MYO16: variants seen among roughly 807,000 people sequenced by gnomAD.
The protein encoded by MYO16 is unconventional myosin-XVI.
In MYO16, 94 loss-of-function variants were observed where a neutral mutation model predicts 205.3. That is an observed-to-expected ratio of 0.46 (90% CI 0.39 to 0.54). The LOEUF is 0.54. Among genes scored for constraint, MYO16 ranks in the 20% least tolerant of loss-of-function variants. The probability of loss-of-function intolerance (pLI) is 0.00; values close to 1 mark genes in which losing one functional copy is unlikely to be tolerated. For missense variants in MYO16, 2,315 were observed against 2,387.5 expected (o/e 0.97, Z 0.63); for synonymous variants, 988 against 954.0 (o/e 1.04, Z -0.66).
chr13:108,582,753 C>A, the MYO16 span, among the ~76,000 whole-genome samples: 1 of 152,024 alleles, frequency 6.6e-6, no homozygotes. Flanking sequence ...AAGATGAAGA[C>A]CCTCTCTCAC....
At chr13:108,517,975 C>A in the MYO16 span, among the ~76,000 whole-genome samples, 5 of 152,228 alleles carry the variant, frequency 3.3e-5, no homozygotes, top group Non-Finnish European at 4.4e-5. Context: ...GAGGGTGGAA[C>A]CCTCATGACT....
chr13:109,012,797 A>ATATG (rs1315420710), intron 22 of MYO16, among the ~76,000 whole-genome samples: 2 of 148,884 alleles, frequency 1.3e-5, no homozygotes, highest in South Asian at 2.1e-4. Flanking sequence ...ATATATATAT[A>ATATG]TGTATATGAT....
intron 27 of MYO16, among the ~76,000 whole-genome samples, chr13:109,080,060 G>C (rs562911653): frequency 4.1e-4 from 59 of 145,286 alleles, no homozygotes; most frequent in Non-Finnish European, 3.8e-4. Flanking sequence ...GTTTTTAGTA[G>C]AGATGGGGTT....
intron 21 of MYO16, among the ~76,000 whole-genome samples, chr13:109,000,297 A>G: frequency 6.6e-6 from 1 of 152,176 alleles, no homozygotes; most frequent in East Asian, 1.9e-4. Context: ...TATTAGTCAG[A>G]TTATTTTTCT....
At chr13:108,955,989 A>C (rs1282026378) in intron 16 of MYO16, among the ~76,000 whole-genome samples, 1 of 152,130 alleles carries the variant, frequency 6.6e-6, no homozygotes, top group African/African-American at 2.4e-5. Flanking sequence ...GAGTGAGCTC[A>C]CCCACTCCCA....
At chr13:109,038,396 T>A (rs570093369) in intron 23 of MYO16, among the ~76,000 whole-genome samples, 1 of 152,260 alleles carries the variant, frequency 6.6e-6, no homozygotes, top group South Asian at 2.1e-4. Flanking sequence ...GGTTGAAATC[T>A]CTCTGCTTGA....
At chr13:108,593,075 G>A (rs1221507282), upstream of MYO16, among the ~76,000 whole-genome samples, 1 of 152,082 alleles carries the variant, frequency 6.6e-6, no homozygotes, top group African/African-American at 2.4e-5. Flanking sequence ...GGAAATGAAC[G>A]CTTGCACTGT....
chr13:108,743,137 A>G (rs889697266), intron 4 of MYO16, among the ~76,000 whole-genome samples: 14 of 152,168 alleles, frequency 9.2e-5, no homozygotes, highest in African/African-American at 3.4e-4. Flanking sequence ...GGTATTAATT[A>G]CTTTAAAGGG....
intron 9 of MYO16, among the ~76,000 whole-genome samples, chr13:108,826,970 T>A (rs962689769): frequency 6.6e-6 from 1 of 152,260 alleles, no homozygotes; most frequent in Middle Eastern, 3.4e-3. Flanking sequence ...TGAAAAACAA[T>A]CTGGCAGTTC....
rs570523140 is a variant in MYO16 at position 108,888,532 on chromosome 13, T to A, written c.1659+55T>A. On this transcript the variant is annotated intron_variant, in intron 14 of 34. Coordinates refer to ENST00000457511, the MANE Select transcript of MYO16 (RefSeq NM_001198950.3). ...GTGAATGAAGATGTTCAGCCAGTTG[T>A]CATTTACAAATAGGGGAGGGGACAT... The A allele has an allele frequency of 1.4e-4, 178 of 1,311,986 alleles. No individual in the cohort carries two copies. The African/African-American group carries it at 2.3e-3, about 17-fold the overall frequency. The allele number at this position is 1,311,986 out of a possible 1,614,324, so 81.3% of individuals were successfully genotyped here. A position where few individuals can be genotyped will look rare whatever the true frequency, so the allele number is the denominator to read the frequency against.
intron 32 of MYO16, among the ~76,000 whole-genome samples, chr13:109,148,696 C>G (rs1019025150): frequency 1.3e-5 from 2 of 152,166 alleles, no homozygotes; most frequent in Non-Finnish European, 2.9e-5. Context: ...ATCGGATCCT[C>G]CCAAAATGTC....
chr13:109,123,444 CT>C (rs201583322), intron 29 of MYO16, among the ~76,000 whole-genome samples: 1 of 150,664 alleles, frequency 6.6e-6, no homozygotes, highest in Non-Finnish European at 1.5e-5. Flanking sequence ...CAATGTCTCC[CT>C]TTTTTTTTAG....
At chr13:108,503,224 T>C in the MYO16 span, among the ~76,000 whole-genome samples, 1 of 152,160 alleles carries the variant, frequency 6.6e-6, no homozygotes, top group South Asian at 2.1e-4. Context: ...AGATTCCTGT[T>C]CTGCATGTCA....
intron 22 of MYO16, among the ~76,000 whole-genome samples, chr13:109,013,786 A>G (rs980199412): frequency 1.3e-4 from 20 of 152,252 alleles, no homozygotes; most frequent in Admixed American, 1.2e-3. Context: ...GTCTGTTCAT[A>G]TCCTTTGTCC....
At chr13:109,096,753 G>C (rs1888790170) in intron 27 of MYO16, among the ~76,000 whole-genome samples, 1 of 151,764 alleles carries the variant, frequency 6.6e-6, no homozygotes, top group African/African-American at 2.4e-5. Flanking sequence ...CTCTGGGCGA[G>C]CTCACACACT....
At chr13:108,702,222 A>T (rs1416854923) in intron 2 of MYO16, among the ~76,000 whole-genome samples, 1 of 152,182 alleles carries the variant, frequency 6.6e-6, no homozygotes, top group East Asian at 1.9e-4. Flanking sequence ...TCCAGGTCAG[A>T]TAAACTGAAA....
chr13:108,579,833 G>T, the MYO16 span, among the ~76,000 whole-genome samples: 3 of 152,104 alleles, frequency 2.0e-5, no homozygotes, highest in Admixed American at 2.0e-4. Context: ...CATGCCTATT[G>T]TTTGGGCATT....
intron 9 of MYO16, 67 bp downstream of exon 9, chr13:108,823,345 T>G: frequency 6.9e-7 from 1 of 1,452,100 alleles, no homozygotes; most frequent in African/African-American, 1.4e-5. Context: ...AGAGCCCATA[T>G]TAAGTCTGAC....
chr13:108,992,341 A>T (rs1335151492), intron 20 of MYO16, 35 bp from the exon 21 acceptor site: 1 of 1,493,852 alleles, frequency 6.7e-7, no homozygotes, highest in Non-Finnish European at 9.3e-7. Flanking sequence ...AGTTTTAAGG[A>T]TGCCCATTTA....
Sources: gnomAD v4.1 joint callset for allele counts (sites outside exome capture counted in the v4.1 genomes callset) on GRCh38, gnomAD v4.1.1 for gene constraint, MANE v1.5 for transcripts, NCBI Gene and HGNC (gene_info 2026-07-23, HGNC 2026-07-21) for gene names.